Variants in RNF175 observed in about 807,000 individuals in gnomAD.
RNF175 encodes ring finger protein 175.
Under a neutral mutation model 50.0 loss-of-function variants are expected in RNF175, and 38 were observed. That is an observed-to-expected ratio of 0.76 (90% CI 0.59 to 1.00). RNF175 has a LOEUF of 1.00. Ranked by LOEUF, RNF175 falls within the 50% of genes least tolerant of loss-of-function variation. The pLI, the probability that RNF175 is intolerant of heterozygous loss-of-function variation, is 0.00. For missense variants in RNF175, 388 were observed against 409.6 expected (o/e 0.95, Z 0.46); for synonymous variants, 155 against 146.1 (o/e 1.06, Z -0.44).
intron 6 of RNF175, among the ~76,000 whole-genome samples, chr4:153,719,275 G>A (rs1738176241): frequency 6.6e-6 from 1 of 152,150 alleles, no homozygotes; most frequent in Admixed American, 6.5e-5. Context: ...TCCCTGCAAA[G>A]GACATTATCT....
At chr4:153,746,349 C>T (rs1306229201) in intron 3 of RNF175, among the ~76,000 whole-genome samples, 1 of 152,258 alleles carries the variant, frequency 6.6e-6, no homozygotes, top group Non-Finnish European at 1.5e-5. Context: ...GGGTTTGGAA[C>T]CTTGAGGCCT....
At chr4:153,719,600 G>T (rs972009897) in intron 6 of RNF175, among the ~76,000 whole-genome samples, 2 of 152,124 alleles carry the variant, frequency 1.3e-5, no homozygotes, top group Admixed American at 6.5e-5. Flanking sequence ...AGTCTTAAAA[G>T]AGTTCAAAAA....
intron 3 of RNF175, among the ~76,000 whole-genome samples, chr4:153,736,419 T>C (rs756511612): frequency 6.6e-6 from 1 of 152,208 alleles, no homozygotes; most frequent in African/African-American, 2.4e-5. Flanking sequence ...TGGTCTACAG[T>C]TTCCTTTCCT....
At position 153,720,209 on chromosome 4, in the gene RNF175, G is replaced by T; in HGVS notation, c.605C>A (p.Ser202Ter). 3 of 1,613,784 alleles carry T rather than the reference G, an allele frequency of 1.9e-6. No individual in the cohort carries two copies. The South Asian group carries it at 3.3e-5, about 18-fold the overall frequency. Reference protein sequence around the residue: ...VMGRDFAEICSDYMASTIGFY... With the variant: ...VMGRDFAEIC Reference sequence around the variant, plus strand: ...CCCTATAGTGGAAGCCATGTAGTCTGAGCAGATCTCGGCAAAGTCTCTCCC... The same window carrying T: ...CCCTATAGTGGAAGCCATGTAGTCTTAGCAGATCTCGGCAAAGTCTCTCCC... Residue 202 changes from serine to a stop codon, truncating the protein, a stop_gained, in exon 6 of 9, where the codon TCA (serine) becomes TAA (stop). Transcript: ENST00000347063. LOFTEE classifies it high-confidence loss of function.
intron 3 of RNF175, among the ~76,000 whole-genome samples, chr4:153,729,247 C>T (rs1431287561): frequency 6.6e-6 from 1 of 152,154 alleles, no homozygotes; most frequent in Non-Finnish European, 1.5e-5. Flanking sequence ...ATAAGGGGAA[C>T]GGCAAAGAGG....
chr4:153,713,525 C>T (rs957468221), intron 7 of RNF175: 13 of 152,162 alleles, frequency 8.5e-5, no homozygotes, highest in African/African-American at 2.7e-4. Context: ...TTTCTACAAT[C>T]GCTGCTCCCA....
Position 153,745,608 on chromosome 4 carries a change from G to A in RNF175, c.246+3037C>T, listed in dbSNP as rs1299195502. 6 of 152,326 alleles carry A rather than the reference G, an allele frequency of 3.9e-5. No individual in the cohort carries two copies. The East Asian group carries it at 1.2e-3, about 29-fold the overall frequency. 9.4% of individuals were successfully genotyped at this position (152,326 alleles called of 1,614,324 possible). A position where few individuals can be genotyped will look rare whatever the true frequency, so the allele number is the denominator to read the frequency against. On this transcript the variant is annotated intron_variant, in intron 3 of 8. Coordinates refer to ENST00000347063, the MANE Select transcript of RNF175 (RefSeq NM_173662.4). ...TAGACAGTGTCTTAGTCCATTTTGT[G>A]CTGCTATACTAGAATATGACAGTTT... is the stretch of plus-strand genomic sequence containing the variant.
chr4:153,735,143 A>G (rs1739285453), intron 3 of RNF175, among the ~76,000 whole-genome samples: 1 of 151,822 alleles, frequency 6.6e-6, no homozygotes, highest in Admixed American at 6.6e-5. Context: ...AAAGTCTTAC[A>G]GTTTTGCATT....
chr4:153,759,864 C>A lies in RNF175; in HGVS notation c.-2G>T. On this transcript the variant is annotated 5_prime_UTR_variant, in exon 1 of 9. Coordinates refer to ENST00000347063, the MANE Select transcript of RNF175 (RefSeq NM_173662.4). ...CCGCGCCGCCGTCCCCGCGGCCATGCCTGAGCCACTGTGCCTTCTCCAGGG... is the reference window on the plus strand; with the variant it reads ...CCGCGCCGCCGTCCCCGCGGCCATGACTGAGCCACTGTGCCTTCTCCAGGG... The A allele has an allele frequency of 6.9e-7, 1 of 1,443,234 alleles. No individual in the cohort carries two copies. Among genetic ancestry groups the A allele is most frequent in the Admixed American group, 2.7e-5 (1 of 37,230 alleles). 89.4% of individuals were successfully genotyped at this position (1,443,234 alleles called of 1,614,324 possible).
chr4:153,735,060 C>T (rs1739281844), intron 3 of RNF175, among the ~76,000 whole-genome samples: 1 of 152,076 alleles, frequency 6.6e-6, no homozygotes. Flanking sequence ...ATGGATCATG[C>T]TTTTGGTACC....
At chr4:153,718,234 G>GT (rs1276542726) in intron 6 of RNF175, among the ~76,000 whole-genome samples, 7 of 64,288 alleles carry the variant, frequency 1.1e-4, no homozygotes, top group African/African-American at 1.8e-4. Flanking sequence ...TTGTTTGTTT[G>GT]TTTGTTTTTT....
At chr4:153,717,117 A>T (rs1174041841) in intron 6 of RNF175, among the ~76,000 whole-genome samples, 4 of 152,196 alleles carry the variant, frequency 2.6e-5, no homozygotes, top group Non-Finnish European at 4.4e-5. Context: ...TTTATTTGAT[A>T]TCAATGTGGA....
At chr4:153,747,917 G>T (rs866198651) in intron 3 of RNF175, among the ~76,000 whole-genome samples, 3 of 152,364 alleles carry the variant, frequency 2.0e-5, no homozygotes, top group African/African-American at 7.2e-5. Context: ...CTGGAGGCTA[G>T]AAAGTACAAG....
chr4:153,722,698 A>C (rs925898566), intron 5 of RNF175, among the ~76,000 whole-genome samples: 1 of 152,152 alleles, frequency 6.6e-6, no homozygotes, highest in Non-Finnish European at 1.5e-5. Context: ...TTCAAGAGAG[A>C]AGTGCTGTCC....
intron 2 of RNF175, among the ~76,000 whole-genome samples, chr4:153,749,385 T>C (rs1735617171): frequency 6.6e-6 from 1 of 152,230 alleles, no homozygotes; most frequent in Non-Finnish European, 1.5e-5. Flanking sequence ...AATCATTTGC[T>C]ACTATTTCAA....
At chr4:153,733,908 C>T (rs1255465208) in intron 3 of RNF175, among the ~76,000 whole-genome samples, 3 of 152,202 alleles carry the variant, frequency 2.0e-5, no homozygotes, top group Non-Finnish European at 2.9e-5. Flanking sequence ...GTTTTGCTGT[C>T]TCTATAGTTT....
Position 153,712,556 on chromosome 4 carries a change from C to G in RNF175, c.785G>C (p.Arg262Pro), listed in dbSNP as rs200984268. ...CTTTTTCCCAACGATACACCAACCT[C>G]GGATGCAGAATTCATGAAAGCTGAA... ...CNHVFHEFCI[R>P]GWCIVGKKQT... Residue 262 changes from arginine to proline, a missense_variant, in exon 8 of 9, where the codon CGA (arginine) becomes CCA (proline). By Grantham distance (103) the Arg-to-Pro change is moderately radical. Transcript: ENST00000347063. 6.2e-7 allele frequency: 1 copy of G among 1,612,418 alleles called. No homozygotes were observed. The highest frequency in any genetic ancestry group is 1.7e-5 in the Admixed American group (1 of 59,944).
At chr4:153,717,827 C>CT (rs1437383993) in intron 6 of RNF175, among the ~76,000 whole-genome samples, 2 of 152,114 alleles carry the variant, frequency 1.3e-5, no homozygotes, top group Non-Finnish European at 2.9e-5. Context: ...TGGTTAGATT[C>CT]TTTTGGCATG....
chr4:153,726,073 ATGTGTG>A (rs10592509), intron 4 of RNF175, among the ~76,000 whole-genome samples: 4 of 148,936 alleles, frequency 2.7e-5, no homozygotes, highest in South Asian at 2.1e-4. Flanking sequence ...TAGTGTGTGT[ATGTGTG>A]TGTGTGTGTG....
Sources: gnomAD v4.1 joint callset for allele counts (sites outside exome capture counted in the v4.1 genomes callset) on GRCh38, gnomAD v4.1.1 for gene constraint, MANE v1.5 for transcripts, NCBI Gene and HGNC (gene_info 2026-07-23, HGNC 2026-07-21) for gene names.